SLC48A1: variants seen among roughly 807,000 people sequenced by gnomAD.
SLC48A1 encodes the protein solute carrier family 48 member 1.
Under a neutral mutation model 14.8 loss-of-function variants are expected in SLC48A1, and 6 were observed. The ratio of observed to expected loss-of-function variants is 0.41; its 90% CI spans 0.22 to 0.80. The LOEUF is 0.80. SLC48A1 is among the 30% of genes least tolerant of loss of function. The pLI is 0.34. For missense variants in SLC48A1, 165 were observed against 204.8 expected, an observed-to-expected ratio of 0.81 and a Z score of 1.19; for synonymous variants, 89 against 90.0, an observed-to-expected ratio of 0.99 and a Z score of 0.06.
upstream of SLC48A1, among the ~76,000 whole-genome samples, chr12:47,767,162 G>T (rs549393910): frequency 4.8e-5 from 7 of 146,424 alleles, no homozygotes; most frequent in Non-Finnish European, 9.0e-5. Context: ...CACAGCCAGG[G>T]TCCTCAGCTG....
upstream of SLC48A1, among the ~76,000 whole-genome samples, chr12:47,754,500 G>A (rs553926929): frequency 2.5e-4 from 38 of 152,310 alleles, no homozygotes; most frequent in Admixed American, 6.5e-4. Flanking sequence ...TAGCTTTTGC[G>A]TTACCATCTG....
upstream of SLC48A1, among the ~76,000 whole-genome samples, chr12:47,755,476 T>C (rs113888086): frequency 6.6e-5 from 10 of 152,300 alleles, no homozygotes; most frequent in South Asian, 4.1e-4. Flanking sequence ...AAGAGAATCA[T>C]CTCAGACTTC....
At chr12:47,778,106 C>T (rs1222167064) in intron 1 of SLC48A1, among the ~76,000 whole-genome samples, 2 of 152,228 alleles carry the variant, frequency 1.3e-5, no homozygotes, top group African/African-American at 4.8e-5. Flanking sequence ...GGACCCTTGC[C>T]AATGGAGTTG....
chr12:47,780,297 C>G lies in SLC48A1; in HGVS notation c.*16C>G, dbSNP rs750375213. 2 of 1,614,198 alleles carry G rather than the reference C, an allele frequency of 1.2e-6. No homozygotes were observed. The highest frequency in any genetic ancestry group is 1.7e-6 in the Non-Finnish European group (2 of 1,180,010). On this transcript the variant is annotated 3_prime_UTR_variant, in exon 3 of 3. Transcript: ENST00000442218. The stretch of plus-strand genomic sequence containing the variant: ...CGATTTCTGACCCAGGGGGTGAGGT[C>G]TCTGCACCCTGGGGGGGCCTTAGGA...
intron 2 of SLC48A1, among the ~76,000 whole-genome samples, chr12:47,766,538 C>G (rs12815308): frequency 0.25 from 38,455 of 152,134 alleles, 5,578 homozygotes; most frequent in Non-Finnish European, 0.33. Flanking sequence ...TCTGTGATTG[C>G]GGGTTCAGGT....
In SLC48A1 at chr12:47,782,102, G is replaced by A. The variant is rs535069273; in HGVS notation, c.*1821G>A. ...TAATGAGGTGCTCCTCTTCCTGCTGGAAAAACCGGACAGACTCAGAACCAC... is the reference window on the plus strand; with the variant it reads ...TAATGAGGTGCTCCTCTTCCTGCTGAAAAAACCGGACAGACTCAGAACCAC... On this transcript the variant is annotated 3_prime_UTR_variant, in exon 3 of 3. Coordinates refer to ENST00000442218, the MANE Select transcript of SLC48A1 (RefSeq NM_017842.3). 6.6e-6 allele frequency: 1 copy of A among 152,388 alleles called. No individual in the cohort carries two copies. The highest frequency in any genetic ancestry group is 2.1e-4 in the South Asian group (1 of 4,830). 9.4% of individuals were successfully genotyped at this position (152,388 alleles called of 1,614,324 possible). A position where few individuals can be genotyped will look rare whatever the true frequency, so the allele number is the denominator to read the frequency against.
At chr12:47,773,162 G>T, upstream of SLC48A1, 1 of 982,288 alleles carries the variant, frequency 1.0e-6, no homozygotes, top group South Asian at 4.5e-5. Flanking sequence ...GGCGCTGTGC[G>T]GGCGGCGCTG....
chr12:47,760,033 A>G (rs1231178436), intron 1 of SLC48A1, among the ~76,000 whole-genome samples: 1 of 122,618 alleles, frequency 8.2e-6, no homozygotes, highest in African/African-American at 2.8e-5. Flanking sequence ...TCCTCCACCA[A>G]TTATTATTTT....
chr12:47,771,075 T>A, upstream of SLC48A1: 1 of 358,964 alleles, frequency 2.8e-6, no homozygotes, highest in South Asian at 2.0e-5. Flanking sequence ...TGACATCACT[T>A]CTCATTAAAA....
At chr12:47,761,755 A>T (rs896618579) in intron 2 of SLC48A1, among the ~76,000 whole-genome samples, 1 of 152,210 alleles carries the variant, frequency 6.6e-6, no homozygotes, top group African/African-American at 2.4e-5. Context: ...TAAGACAGAT[A>T]AATAATAATA....
rs1171562174 is a variant in SLC48A1, at chr12:47,773,459, C to T, written c.136+19C>T. 2 of 1,318,054 alleles carry T rather than the reference C, an allele frequency of 1.5e-6. No homozygotes were observed. The highest frequency in any genetic ancestry group is 1.9e-6 in the Non-Finnish European group (2 of 1,027,430). 81.6% of individuals were successfully genotyped at this position (1,318,054 alleles called of 1,614,324 possible). ...CTCGCAGGTACCCCGGGACGCTGGGCGGCGCGGGGCGGGTGCGCGGCTGCG... is the reference window on the plus strand; with the variant it reads ...CTCGCAGGTACCCCGGGACGCTGGGTGGCGCGGGGCGGGTGCGCGGCTGCG... On this transcript the variant is annotated intron_variant, in intron 1 of 2. Transcript: ENST00000442218.
intron 1 of SLC48A1, among the ~76,000 whole-genome samples, chr12:47,778,069 C>T (rs954019202): frequency 6.6e-6 from 1 of 152,230 alleles, no homozygotes; most frequent in African/African-American, 2.4e-5. Flanking sequence ...CCTCATTTGT[C>T]CCTTGCCGGG....
At position 47,760,965 on chromosome 12, in the gene SLC48A1, G is replaced by A. The variant is rs183680430; in HGVS notation, c.-187+564G>A. On this transcript the variant is annotated intron_variant, in intron 2 of 4. Coordinates refer to the SLC48A1 transcript ENST00000547002. Reference sequence around the variant, plus strand: ...TAATCCCAACACCTTGGGAGGCTGAGGTGGGGGTGAATCATGAGGTCAGGA... The same window carrying A: ...TAATCCCAACACCTTGGGAGGCTGAAGTGGGGGTGAATCATGAGGTCAGGA... 5.8e-4 allele frequency among the ~76,000 whole-genome samples: 89 copies of A among 152,340 alleles called. 1 individual carries two copies. The highest frequency in any genetic ancestry group is 4.7e-4 in the Non-Finnish European group (32 of 68,018).
At chr12:47,757,094 G>A (rs77461532), upstream of SLC48A1, among the ~76,000 whole-genome samples, 1,139 of 152,308 alleles carry the variant, frequency 7.5e-3, 14 homozygotes, top group African/African-American at 0.026. Flanking sequence ...AGGAGTTCAA[G>A]ACCTACCTAG....
chr12:47,765,056 AAC>A (rs1233790281), intron 2 of SLC48A1, among the ~76,000 whole-genome samples: 1 of 131,400 alleles, frequency 7.6e-6, no homozygotes, highest in Non-Finnish European at 1.5e-5. Context: ...CAGCCTGGGC[AAC>A]AGAGTGAGAC....
rs568042360 is a variant in SLC48A1, at chr12:47,758,965, G to C, written c.-373+305G>C. ...CAGGACTGGCGGAGGGGGCGGGGTG[G>C]AGGCGCCCTGCCTTACGGTAGAGGA... On this transcript the variant is annotated intron_variant, in intron 1 of 4. Transcript: ENST00000547002. The C allele has an allele frequency of 2.2e-5, 22 of 1,009,472 alleles. 1 individual carries two copies. The South Asian group carries it at 8.5e-4, about 39-fold the overall frequency. 62.5% of individuals were successfully genotyped at this position (1,009,472 alleles called of 1,614,324 possible). A position where few individuals can be genotyped will look rare whatever the true frequency, so the allele number is the denominator to read the frequency against.
At chr12:47,760,244 A>ACC in exon 2 of SLC48A1, 2 of 985,488 alleles carry the variant, frequency 2.0e-6, no homozygotes, top group Non-Finnish European at 2.4e-6. Context: ...ACATTAAGAA[A>ACC]CGCTGGTGGA....
chr12:47,761,659 A>G (rs911157368), intron 2 of SLC48A1, among the ~76,000 whole-genome samples: 1 of 152,224 alleles, frequency 6.6e-6, no homozygotes, highest in African/African-American at 2.4e-5. Context: ...TGAGGAACAC[A>G]TGCAAGCAAG....
At chr12:47,765,417 T>C (rs1413235747) in intron 2 of SLC48A1, among the ~76,000 whole-genome samples, 1 of 152,238 alleles carries the variant, frequency 6.6e-6, no homozygotes, top group Non-Finnish European at 1.5e-5. Flanking sequence ...CTTTAGCCGC[T>C]TTGCCTGCTT....
Sources: gnomAD v4.1 joint callset for allele counts (sites outside exome capture counted in the v4.1 genomes callset) on GRCh38, gnomAD v4.1.1 for gene constraint, MANE v1.5 for transcripts, NCBI Gene and HGNC (gene_info 2026-07-23, HGNC 2026-07-21) for gene names.